FAM135B: variants seen among roughly 807,000 people sequenced by gnomAD.
The protein encoded by FAM135B is family with sequence similarity 135 member B.
Under a neutral mutation model 127.7 loss-of-function variants are expected in FAM135B, and 43 were observed. That is an observed-to-expected ratio of 0.34 (90% CI 0.26 to 0.43). FAM135B has a LOEUF of 0.43. Ranked by LOEUF, FAM135B falls within the 20% of genes least tolerant of loss-of-function variation. The probability of loss-of-function intolerance (pLI) is 1.00; values close to 1 mark genes in which losing one functional copy is unlikely to be tolerated. For missense variants in FAM135B, 1,558 were observed against 1,725.6 expected (o/e 0.90, Z 1.72); for synonymous variants, 670 against 665.1 (o/e 1.01, Z -0.11).
intron 7 of FAM135B, among the ~76,000 whole-genome samples, chr8:138,208,127 C>G (rs72723619): frequency 6.6e-6 from 1 of 152,166 alleles, no homozygotes; most frequent in Non-Finnish European, 1.5e-5. Context: ...GCCTCAGAAG[C>G]CTCCTATCAC....
intron 1 of FAM135B, among the ~76,000 whole-genome samples, chr8:138,382,471 TA>T (rs1327056551): frequency 2.6e-5 from 4 of 151,850 alleles, no homozygotes; most frequent in Non-Finnish European, 5.9e-5. Flanking sequence ...TTGGGGTGAG[TA>T]AACCACAGCA....
chr8:138,457,412 A>G (rs1836850996), intron 1 of FAM135B, among the ~76,000 whole-genome samples: 1 of 152,018 alleles, frequency 6.6e-6, no homozygotes, highest in South Asian at 2.1e-4. Context: ...CCTCAATATC[A>G]CCCCAGATGG....
intron 1 of FAM135B, among the ~76,000 whole-genome samples, chr8:138,444,470 T>A (rs1338090809): frequency 3.9e-5 from 6 of 152,110 alleles, no homozygotes; most frequent in African/African-American, 1.4e-4. Context: ...CACAGTGCAA[T>A]CAAATTAGAA....
chr8:138,170,590 G>T (rs1376867780), intron 11 of FAM135B, among the ~76,000 whole-genome samples: 1 of 152,162 alleles, frequency 6.6e-6, no homozygotes, highest in Non-Finnish European at 1.5e-5. Flanking sequence ...ACAAGGGGTG[G>T]ATTTGTGATG....
In FAM135B at chr8:138,177,330, A is replaced by G; in HGVS notation, c.1103+17T>C. On this transcript the variant is annotated intron_variant, in intron 11 of 19. Coordinates refer to ENST00000395297, the MANE Select transcript of FAM135B (RefSeq NM_015912.4). ...GGCTGCTTTTAGGGATGAAGTGGGC[A>G]TGCAATGGATACTTACAGATTCTCC... The G allele has an allele frequency of 2.5e-6, 4 of 1,611,500 alleles. No homozygotes were observed. The highest frequency in any genetic ancestry group is 1.7e-4 in the Middle Eastern group (1 of 6,060).
At chr8:138,494,664 A>T (rs1815318921) in intron 1 of FAM135B, among the ~76,000 whole-genome samples, 1 of 152,212 alleles carries the variant, frequency 6.6e-6, no homozygotes, top group Non-Finnish European at 1.5e-5. Flanking sequence ...CTTCAGCAAT[A>T]AAATCAACCT....
At chr8:138,319,962 C>T (rs989579262) in intron 2 of FAM135B, among the ~76,000 whole-genome samples, 6 of 152,100 alleles carry the variant, frequency 3.9e-5, no homozygotes, top group African/African-American at 1.2e-4. Context: ...GTGAGAAAGA[C>T]GTGACCAGCC....
At chr8:138,414,115 AATACATATAT>A (rs1834012345) in intron 1 of FAM135B, among the ~76,000 whole-genome samples, 2 of 83,322 alleles carry the variant, frequency 2.4e-5, no homozygotes, top group South Asian at 5.8e-4. Context: ...TTCACACACA[AATACATATAT>A]ATATATATAT....
intron 1 of FAM135B, among the ~76,000 whole-genome samples, chr8:138,384,503 C>T (rs980903990): frequency 5.3e-5 from 8 of 152,086 alleles, no homozygotes; most frequent in Non-Finnish European, 8.8e-5. Context: ...GACTCAAGAA[C>T]CCAGACTGGC....
intron 1 of FAM135B, among the ~76,000 whole-genome samples, chr8:138,383,254 T>C (rs958998179): frequency 3.3e-5 from 5 of 152,222 alleles, no homozygotes; most frequent in African/African-American, 7.2e-5. Flanking sequence ...CTGAGAGTCT[T>C]TAAAGCCAGA....
rs1378288429 is a variant in FAM135B at position 138,152,354 on chromosome 8, C to T, written c.2121G>A (p.Leu707=). 1 of 1,614,124 alleles carries T rather than the reference C, an allele frequency of 6.2e-7. No homozygotes were observed. Among genetic ancestry groups the T allele is most frequent in the Non-Finnish European group, 8.5e-7 (1 of 1,180,016 alleles). ...GGTGCAAGACTTCCCGATCACTGGG[C>T]AACTCCAGAGCCCTGCTTCGGGCCT... ...WSEARSRALE[L]PSDREVLHPF... The change falls in exon 13 of 20, where the codon TTG becomes TTA. Residue 707 remains leucine (L), a synonymous_variant. Coordinates refer to ENST00000395297, the MANE Select transcript of FAM135B (RefSeq NM_015912.4).
At chr8:138,438,389 T>C (rs1290520396) in intron 1 of FAM135B, 1 of 152,092 alleles carries the variant, frequency 6.6e-6, no homozygotes, top group Non-Finnish European at 1.5e-5. Context: ...TAAAGGGTAG[T>C]AGAAAGAGTG....
intron 3 of FAM135B, among the ~76,000 whole-genome samples, chr8:138,269,486 C>CT (rs1823199669): frequency 1.3e-5 from 2 of 152,204 alleles, no homozygotes; most frequent in South Asian, 4.1e-4. Flanking sequence ...TTCCCCAGGC[C>CT]TGAAGCCAGC....
chr8:138,430,931 C>A (rs560245684), intron 1 of FAM135B, among the ~76,000 whole-genome samples: 9 of 152,108 alleles, frequency 5.9e-5, no homozygotes, highest in Non-Finnish European at 1.2e-4. Flanking sequence ...AATACCACCA[C>A]GAAATTTCCC....
At position 138,221,633 on chromosome 8, in the gene FAM135B, C is replaced by T. The variant is rs115421135; in HGVS notation, c.669+21309G>A. On this transcript the variant is annotated intron_variant, in intron 7 of 19. Transcript: ENST00000395297. ...TCACCCAGGACTGAGAATTAACTGA[C>T]GTATCAGAATGAAAAACCTCATAAT... Among the ~76,000 whole-genome samples, 677 of 152,214 alleles carry T rather than the reference C, an allele frequency of 4.4e-3. 6 individuals are homozygous for T. The highest frequency in any genetic ancestry group is 0.015 in the African/African-American group (622 of 41,512).
chr8:138,433,864 G>C (rs977988725), intron 1 of FAM135B, among the ~76,000 whole-genome samples: 2 of 152,176 alleles, frequency 1.3e-5, no homozygotes, highest in African/African-American at 2.4e-5. Flanking sequence ...AGGACAGAGA[G>C]GGTGAAGTCT....
intron 9 of FAM135B, among the ~76,000 whole-genome samples, chr8:138,190,654 C>T (rs1816036113): frequency 6.6e-6 from 1 of 152,158 alleles, no homozygotes; most frequent in Admixed American, 6.5e-5. Flanking sequence ...AGAGAATTAA[C>T]TAAGAGTCTG....
At position 138,156,537 on chromosome 8, in the gene FAM135B, G is replaced by C. The variant is rs571693366; in HGVS notation, c.1259-3321C>G. ...TTTTTTTGAAAAGATCAACAAAATT[G>C]ATAGACCTCTAGGAAGACTAATAAA... On this transcript the variant is annotated intron_variant, in intron 12 of 19. Coordinates refer to ENST00000395297, the MANE Select transcript of FAM135B (RefSeq NM_015912.4). Among the ~76,000 whole-genome samples, 8 of 152,082 alleles carry C rather than the reference G, an allele frequency of 5.3e-5. 1 individual carries two copies. The highest frequency in any genetic ancestry group is 1.9e-4 in the African/African-American group (8 of 41,516).
intron 7 of FAM135B, among the ~76,000 whole-genome samples, chr8:138,198,706 G>A (rs1302622112): frequency 2.0e-5 from 3 of 152,162 alleles, no homozygotes; most frequent in Admixed American, 2.0e-4. Flanking sequence ...TGTCCAATGA[G>A]GAAAAGACAC....
Sources: gnomAD v4.1 joint callset for allele counts (sites outside exome capture counted in the v4.1 genomes callset) on GRCh38, gnomAD v4.1.1 for gene constraint, MANE v1.5 for transcripts, NCBI Gene and HGNC (gene_info 2026-07-23, HGNC 2026-07-21) for gene names.